CDH10: variants seen among roughly 807,000 people sequenced by gnomAD.
CDH10 encodes cadherin 10.
Under a neutral mutation model 73.1 loss-of-function variants are expected in CDH10, and 30 were observed. That is an observed-to-expected ratio of 0.41 (90% CI 0.31 to 0.56). The LOEUF is 0.56. Among genes scored for constraint, CDH10 ranks in the 20% least tolerant of loss-of-function variants. CDH10 has a pLI of 0.27. For missense variants in CDH10, 815 were observed against 973.7 expected, an observed-to-expected ratio of 0.84 and a Z score of 2.17; for synonymous variants, 345 against 348.2, an observed-to-expected ratio of 0.99 and a Z score of 0.10.
chr5:24,616,754 T>G (rs1470526035), intron 1 of CDH10, among the ~76,000 whole-genome samples: 1 of 152,174 alleles, frequency 6.6e-6, no homozygotes, highest in Non-Finnish European at 1.5e-5. Flanking sequence ...ATTAGACCAC[T>G]GGACTAAGGC....
intron 2 of CDH10, among the ~76,000 whole-genome samples, chr5:24,571,095 AAG>A (rs1745365997): frequency 5.3e-5 from 8 of 152,140 alleles, no homozygotes; most frequent in Non-Finnish European, 1.2e-4. Flanking sequence ...TCTGTCAGTG[AAG>A]AGCAAATTTA....
chr5:24,612,103 T>G (rs1746968260), intron 1 of CDH10: 1 of 152,136 alleles, frequency 6.6e-6, no homozygotes, highest in African/African-American at 2.4e-5. Flanking sequence ...AGAGCTAAAT[T>G]TTGTGATAGT....
intron 1 of CDH10, among the ~76,000 whole-genome samples, chr5:24,636,490 T>C (rs1200869026): frequency 1.3e-5 from 2 of 152,046 alleles, no homozygotes; most frequent in African/African-American, 2.4e-5. Context: ...GACTATTATA[T>C]AGAAGAGTCT....
chr5:24,491,534 A>C, intron 11 of CDH10, 42 bp downstream of exon 11: 1 of 1,559,390 alleles, frequency 6.4e-7, no homozygotes, highest in South Asian at 1.2e-5. Flanking sequence ...AATCATACTA[A>C]AGAGCCTAGA....
intron 2 of CDH10, among the ~76,000 whole-genome samples, chr5:24,566,302 C>A (rs1745162778): frequency 5.3e-5 from 8 of 152,150 alleles, no homozygotes. Flanking sequence ...CCTGTCTTGG[C>A]CTCCCAAAGT....
intron 2 of CDH10, among the ~76,000 whole-genome samples, chr5:24,583,091 A>G (rs1745862402): frequency 6.6e-6 from 1 of 152,094 alleles, no homozygotes; most frequent in South Asian, 2.1e-4. Context: ...TCCTTTAAAA[A>G]TGTTAAAACA....
At chr5:24,509,193 C>CTT (rs34197649) in intron 7 of CDH10, among the ~76,000 whole-genome samples, 16 of 109,460 alleles carry the variant, frequency 1.5e-4, no homozygotes, top group African/African-American at 4.4e-4. Context: ...ATTTCAACTG[C>CTT]TTTTTTTTTT....
intron 1 of CDH10, among the ~76,000 whole-genome samples, chr5:24,600,594 G>A (rs1240596996): frequency 6.6e-6 from 1 of 151,924 alleles, no homozygotes; most frequent in African/African-American, 2.4e-5. Context: ...GAGCGTCGGT[G>A]TGCGTGCGTG....
At chr5:24,595,839 C>A (rs183394599) in intron 1 of CDH10, among the ~76,000 whole-genome samples, 1 of 151,850 alleles carries the variant, frequency 6.6e-6, no homozygotes, top group African/African-American at 2.4e-5. Flanking sequence ...GTGTGAAAAG[C>A]CTACTCACCA....
In CDH10 at chr5:24,487,654, T is replaced by C. The variant is rs780312750; in HGVS notation, c.*9A>G. On this transcript the variant is annotated 3_prime_UTR_variant, in exon 12 of 12. Transcript: ENST00000264463. ...CTTTCTCTTGTTTGAACAGAACATA[T>C]ATCCTACGTTAAGAGTCTTTGTCAC... 3.1e-6 allele frequency: 5 copies of C among 1,604,414 alleles called. No individual in the cohort carries two copies. The highest frequency in any genetic ancestry group is 1.3e-5 in the African/African-American group (1 of 74,552).
chr5:24,597,656 C>T lies in CDH10; in HGVS notation c.-123-4043G>A, dbSNP rs577811501. Among the ~76,000 whole-genome samples, 3 of 152,078 alleles carry T rather than the reference C, an allele frequency of 2.0e-5. No individual in the cohort carries two copies. In the South Asian group the frequency reaches 6.2e-4, roughly 31 times the overall value. ...TTTTAAAGCATTTGTCTCACTGGGT[C>T]TCATTTCATTTTTACAATTACAGGA... On this transcript the variant is annotated intron_variant, in intron 1 of 11. Transcript: ENST00000264463.
intron 5 of CDH10, among the ~76,000 whole-genome samples, chr5:24,521,193 G>A (rs947977196): frequency 1.3e-5 from 2 of 152,166 alleles, no homozygotes; most frequent in Non-Finnish European, 2.9e-5. Flanking sequence ...AACGGCTAAT[G>A]TTGGAGTCAT....
At chr5:24,560,405 A>G (rs941469944) in intron 2 of CDH10, among the ~76,000 whole-genome samples, 99 of 151,978 alleles carry the variant, frequency 6.5e-4, no homozygotes, top group African/African-American at 2.4e-3. Flanking sequence ...ACTTCTTACT[A>G]TTTCCTTTAG....
chr5:24,637,677 A>AT (rs1232377686), intron 1 of CDH10, among the ~76,000 whole-genome samples: 1 of 151,940 alleles, frequency 6.6e-6, no homozygotes, highest in African/African-American at 2.4e-5. Flanking sequence ...TACCAGTTAA[A>AT]TTAATAACAG....
At chr5:24,559,286 G>T (rs1187691321) in intron 2 of CDH10, among the ~76,000 whole-genome samples, 1 of 151,880 alleles carries the variant, frequency 6.6e-6, no homozygotes, top group Non-Finnish European at 1.5e-5. Context: ...GCCAATTTTA[G>T]CAATAAATAA....
intron 1 of CDH10, among the ~76,000 whole-genome samples, chr5:24,617,905 G>A (rs1747177408): frequency 6.6e-6 from 1 of 152,146 alleles, no homozygotes; most frequent in African/African-American, 2.4e-5. Context: ...AAGCCATACG[G>A]TTTTAGAATT....
rs775375941 is a variant in CDH10, at chr5:24,593,404, C to T, written c.87G>A (p.Thr29=). Reference sequence around the variant, plus strand: ...TTAAAATTCTTTGCTGTGGCACAGGCGTCCTTCTGAACATTATTTCTGGAG... The same window carrying T: ...TTAAAATTCTTTGCTGTGGCACAGGTGTCCTTCTGAACATTATTTCTGGAG... ...FCSPEIMFRR[T]PVPQQRILSS... is the part of the protein sequence containing the mutation. Residue 29 remains threonine (T), a synonymous_variant, in exon 2 of 12, where the codon ACG becomes ACA. Transcript: ENST00000264463. 11 of 1,612,154 alleles carry T rather than the reference C, an allele frequency of 6.8e-6. No individual in the cohort carries two copies. The African/African-American group carries it at 8.0e-5, about 12-fold the overall frequency.
chr5:24,562,811 T>A (rs951974628), intron 2 of CDH10, among the ~76,000 whole-genome samples: 2 of 133,398 alleles, frequency 1.5e-5, no homozygotes, highest in Non-Finnish European at 3.3e-5. Context: ...TGGAAAAAAA[T>A]ACCTTTTTTT....
intron 5 of CDH10, among the ~76,000 whole-genome samples, chr5:24,520,293 A>G (rs1743265667): frequency 6.6e-6 from 1 of 152,176 alleles, no homozygotes; most frequent in Non-Finnish European, 1.5e-5. Flanking sequence ...ATATAAAAGC[A>G]AAAAATGTGA....
Sources: gnomAD v4.1 joint callset for allele counts (sites outside exome capture counted in the v4.1 genomes callset) on GRCh38, gnomAD v4.1.1 for gene constraint, MANE v1.5 for transcripts, NCBI Gene and HGNC (gene_info 2026-07-23, HGNC 2026-07-21) for gene names.